The following TMCO5A variants were observed in gnomAD, a reference collection of about 807,000 sequenced individuals.
TMCO5A encodes transmembrane and coiled-coil domains 5A.
A neutral mutation model predicts 42.3 loss-of-function variants in TMCO5A; 34 were observed. The ratio of observed to expected loss-of-function variants is 0.80; its 90% CI spans 0.61 to 1.07. The LOEUF is 1.07. Ranked by LOEUF, TMCO5A falls within the 50% of genes least tolerant of loss-of-function variation. The pLI is 0.00. For missense variants in TMCO5A, 357 were observed against 327.9 expected, an observed-to-expected ratio of 1.09 and a Z score of -0.69; for synonymous variants, 131 against 115.6, an observed-to-expected ratio of 1.13 and a Z score of -0.86.
At chr15:37,959,872 AG>A (rs1890378799) in intron 11 of TMCO5A, among the ~76,000 whole-genome samples, 1 of 152,036 alleles carries the variant, frequency 6.6e-6, no homozygotes, top group African/African-American at 2.4e-5. Context: ...CAAATTGGAA[AG>A]AAAGAAGTCA....
chr15:37,988,459 T>C, the TMCO5A span, among the ~76,000 whole-genome samples: 2 of 152,062 alleles, frequency 1.3e-5, no homozygotes, highest in African/African-American at 4.8e-5. Context: ...TCTTTCACCA[T>C]TGAGTATGAT....
At chr15:37,948,839 C>T (rs1365483324) in intron 11 of TMCO5A, among the ~76,000 whole-genome samples, 3 of 152,010 alleles carry the variant, frequency 2.0e-5, no homozygotes, top group Admixed American at 6.6e-5. Context: ...CCTTCTCATG[C>T]GTATTGGCTG....
chr15:38,000,355 G>A, the TMCO5A span, among the ~76,000 whole-genome samples: 9 of 151,910 alleles, frequency 5.9e-5, no homozygotes, highest in African/African-American at 2.2e-4. Context: ...CTGTGGTATT[G>A]GTTGTAATGT....
the TMCO5A span, among the ~76,000 whole-genome samples, chr15:37,987,047 T>G: frequency 6.6e-6 from 1 of 152,028 alleles, no homozygotes; most frequent in Admixed American, 6.6e-5. Context: ...AGTTCCAATA[T>G]CTCCACACCT....
At chr15:38,020,603 A>G in the TMCO5A span, 1 of 152,182 alleles carries the variant, frequency 6.6e-6, no homozygotes, top group East Asian at 1.9e-4. Flanking sequence ...AGCAATGGAT[A>G]CGTAATAAGC....
chr15:37,938,239 A>G lies in TMCO5A; in HGVS notation c.387+10A>G. 1 of 1,559,708 alleles carries G rather than the reference A, an allele frequency of 6.4e-7. No individual in the cohort carries two copies. Among genetic ancestry groups the G allele is most frequent in the South Asian group, 1.2e-5 (1 of 84,628 alleles). On this transcript the variant is annotated intron_variant, in intron 6 of 11. Transcript: ENST00000319669. Reference sequence around the variant, plus strand: ...CCTAGAAGAGACAAAGGTAAATGAAAAAAACAATCCTAAATGTGGTTGGGC... The same window carrying G: ...CCTAGAAGAGACAAAGGTAAATGAAGAAAACAATCCTAAATGTGGTTGGGC...
rs1352761777 is a variant in TMCO5A at position 37,941,569 on chromosome 15, G to A, written c.445-102G>A. 1.0e-5 allele frequency: 9 copies of A among 886,606 alleles called. No individual in the cohort carries two copies. In the Admixed American group the frequency reaches 1.7e-4, roughly 17 times the overall value. 54.9% of individuals were successfully genotyped at this position (886,606 alleles called of 1,614,324 possible). On this transcript the variant is annotated intron_variant, in intron 7 of 11. Coordinates refer to ENST00000319669, the MANE Select transcript of TMCO5A (RefSeq NM_152453.4). ...AAAGAAAACATATTTAGAACAATTA[G>A]AAAACCACATTTAGGACCTGGGACC...
chr15:37,990,103 T>C, the TMCO5A span, among the ~76,000 whole-genome samples: 1 of 152,124 alleles, frequency 6.6e-6, no homozygotes, highest in Non-Finnish European at 1.5e-5. Flanking sequence ...AATTCTGCTG[T>C]TGTTGAATAA....
At chr15:37,988,106 G>A in the TMCO5A span, among the ~76,000 whole-genome samples, 2 of 151,650 alleles carry the variant, frequency 1.3e-5, no homozygotes, top group Non-Finnish European at 2.9e-5. Context: ...TATAATTTTT[G>A]AAGCTATTGT....
intron 3 of TMCO5A, 53 bp from the exon 4 acceptor site, chr15:37,936,794 A>T: frequency 6.2e-7 from 1 of 1,603,512 alleles, no homozygotes; most frequent in South Asian, 1.1e-5. Flanking sequence ...GTGTTTTATC[A>T]GTTCTGAAAC....
chr15:37,995,907 C>T, the TMCO5A span, among the ~76,000 whole-genome samples: 1 of 151,864 alleles, frequency 6.6e-6, no homozygotes, highest in Non-Finnish European at 1.5e-5. Flanking sequence ...TGGTGCTAGC[C>T]TCAAAAAAAT....
Position 37,964,264 on chromosome 15 carries a change from C to T in TMCO5A, c.669-2361C>T, listed in dbSNP as rs146527209. ...GTGAGCAGAACTGCAGTGATTGTTG[C>T]CTCTCTTCTGGGTTTAGCCACCCAG... On this transcript the variant is annotated intron_variant, in intron 11 of 11. Transcript: ENST00000559502. 3.9e-5 allele frequency among the ~76,000 whole-genome samples: 6 copies of T among 152,190 alleles called. No individual in the cohort carries two copies. In the East Asian group the frequency reaches 1.2e-3, roughly 29 times the overall value.
the TMCO5A span, among the ~76,000 whole-genome samples, chr15:38,005,040 T>C: frequency 6.6e-6 from 1 of 152,120 alleles, no homozygotes. Flanking sequence ...ATAACAGCTA[T>C]TAACAGAGTA....
intron 11 of TMCO5A, among the ~76,000 whole-genome samples, chr15:37,957,131 A>G (rs1890310499): frequency 6.6e-6 from 1 of 152,212 alleles, no homozygotes; most frequent in Non-Finnish European, 1.5e-5. Context: ...CACAGCCAAT[A>G]TCATACTGAA....
chr15:38,005,915 G>A, the TMCO5A span, among the ~76,000 whole-genome samples: 3,260 of 152,248 alleles, frequency 0.021, 51 homozygotes, highest in Non-Finnish European at 0.032. Context: ...CAGCAATAAC[G>A]GAGGTTTGGC....
chr15:37,980,616 G>A, the TMCO5A span, among the ~76,000 whole-genome samples: 1 of 119,938 alleles, frequency 8.3e-6, no homozygotes, highest in African/African-American at 3.4e-5. Flanking sequence ...CACACCAGCC[G>A]CTTCTAGTCA....
chr15:38,036,777 C>T, the TMCO5A span, among the ~76,000 whole-genome samples: 1 of 152,110 alleles, frequency 6.6e-6, no homozygotes, highest in Non-Finnish European at 1.5e-5. Flanking sequence ...GGACTTATAT[C>T]ATGGTATAAT....
At chr15:37,995,853 AAAC>A in the TMCO5A span, among the ~76,000 whole-genome samples, 1 of 151,796 alleles carries the variant, frequency 6.6e-6, no homozygotes. Context: ...TCCAAAAAAA[AAAC>A]AAACAAACAA....
the TMCO5A span, chr15:38,040,512 T>C: frequency 6.6e-6 from 1 of 152,238 alleles, no homozygotes; most frequent in African/African-American, 2.4e-5. Context: ...TTCGTAGCAG[T>C]GTTATTCATA....
Sources: gnomAD v4.1 joint callset for allele counts (sites outside exome capture counted in the v4.1 genomes callset) on GRCh38, gnomAD v4.1.1 for gene constraint, MANE v1.5 for transcripts, NCBI Gene and HGNC (gene_info 2026-07-23, HGNC 2026-07-21) for gene names.